The following PPIC variants were observed in gnomAD, a reference collection of about 807,000 sequenced individuals.
PPIC encodes the protein peptidyl-prolyl cis-trans isomerase C.
In PPIC, 19 loss-of-function variants were observed where a neutral mutation model predicts 19.5. The observed-to-expected ratio is 0.98, with a 90% CI of 0.68 to 1.43. The LOEUF (loss-of-function observed/expected upper bound fraction) is 1.43, where lower values mean the gene tolerates loss of function less well. Ranked by LOEUF, PPIC falls within the 40% of genes most tolerant of loss-of-function variation. PPIC has a pLI of 0.00. For synonymous variants in PPIC, 107 were observed against 101.2 expected (o/e 1.06, Z -0.34); for missense variants, 268 against 268.6 (o/e 1.00, Z 0.02).
intron 4 of PPIC, 81 bp from the exon 5 acceptor site, chr5:123,024,084 A>G (rs1319036830): frequency 5.3e-6 from 8 of 1,501,480 alleles, no homozygotes; most frequent in Non-Finnish European, 6.3e-6. Context: ...AGCCAACTCC[A>G]AAAGCCCAAG....
chr5:123,029,525 C>T lies in PPIC; in HGVS notation c.118-107G>A, dbSNP rs1017667564. 9 of 1,430,584 alleles carry T rather than the reference C, an allele frequency of 6.3e-6. No homozygotes were observed. In the African/African-American group the frequency reaches 1.1e-4, roughly 18 times the overall value. The allele number at this position is 1,430,584 out of a possible 1,614,324, so 88.6% of individuals were successfully genotyped here. On this transcript the variant is annotated intron_variant, in intron 1 of 4. Coordinates refer to ENST00000306442, the MANE Select transcript of PPIC (RefSeq NM_000943.5). ...AATTGACCCACATACAAAAGCCCTGCCCATCAGTATTTTGTAAAGGAGCAT... is the reference window on the plus strand; with the variant it reads ...AATTGACCCACATACAAAAGCCCTGTCCATCAGTATTTTGTAAAGGAGCAT...
intron 3 of PPIC, 114 bp from the exon 4 acceptor site, chr5:123,026,082 G>T: frequency 1.1e-6 from 1 of 877,156 alleles, no homozygotes; most frequent in South Asian, 2.0e-5. Context: ...AGGTAGGGAT[G>T]GGGAAGACAT....
Position 123,025,906 on chromosome 5 carries a change from CAATGCCATAGT to C in PPIC, c.377_387del (p.His126ArgfsTer11). 1 of 1,613,814 alleles carries C rather than the reference CAATGCCATAGT, an allele frequency of 6.2e-7. No individual in the cohort carries two copies. The highest frequency in any genetic ancestry group is 8.5e-7 in the Non-Finnish European group (1 of 1,179,952). Reference sequence around the variant, plus strand: ...CCAGCGTTGGCCATGCTGACCCACCCAATGCCATAGTGCTTCAGCTTGAAGTTCTCATCTGG... The same window carrying C: ...CCAGCGTTGGCCATGCTGACCCACCCGCTTCAGCTTGAAGTTCTCATCTGG... On this transcript the variant is annotated frameshift_variant, in exon 4 of 5. Coordinates refer to ENST00000306442, the MANE Select transcript of PPIC (RefSeq NM_000943.5). LOFTEE classifies it high-confidence loss of function.
intron 3 of PPIC, among the ~76,000 whole-genome samples, chr5:123,028,242 C>G (rs141760733): frequency 0.011 from 1,664 of 152,272 alleles, 15 homozygotes; most frequent in Middle Eastern, 0.051. Flanking sequence ...GTGTGAGTCA[C>G]TTTTTTGCAG....
In PPIC at chr5:123,029,443, G is replaced by A. The variant is rs777087932; in HGVS notation, c.118-25C>T. ...CCTGTGTGCAGTTGAAAGGCAAAGT[G>A]GAAGGTTATAAGGTGGAAAAGCACA... is the stretch of plus-strand genomic sequence containing the variant. On this transcript the variant is annotated intron_variant, in intron 1 of 4. Transcript: ENST00000306442. 10 of 1,555,108 alleles carry A rather than the reference G, an allele frequency of 6.4e-6. No individual in the cohort carries two copies. In the Admixed American group the frequency reaches 1.8e-4, roughly 28 times the overall value.
Position 123,023,548 on chromosome 5 carries a change from T to C in PPIC, c.*327A>G, listed in dbSNP as rs45560934. 2,570 of 172,046 alleles carry C rather than the reference T, an allele frequency of 0.015. 59 individuals carry two copies. Among genetic ancestry groups the C allele is most frequent in the African/African-American group, 0.042 (1,750 of 42,076 alleles). 10.7% of individuals were successfully genotyped at this position (172,046 alleles called of 1,614,324 possible). On this transcript the variant is annotated 3_prime_UTR_variant, in exon 5 of 5. Coordinates refer to ENST00000306442, the MANE Select transcript of PPIC (RefSeq NM_000943.5). ...TCTGTTTCAGATAAATGTTCAGCAT[T>C]ACCCAATATGGGGATCATAATGAAT...
chr5:123,028,225 G>A (rs1762889729), intron 3 of PPIC, among the ~76,000 whole-genome samples: 1 of 152,132 alleles, frequency 6.6e-6, no homozygotes, highest in South Asian at 2.1e-4. Flanking sequence ...AAAACACATA[G>A]CCAGGAGTGT....
chr5:123,034,138 A>T (rs1317562885), intron 1 of PPIC, among the ~76,000 whole-genome samples: 1 of 152,254 alleles, frequency 6.6e-6, no homozygotes, highest in African/African-American at 2.4e-5. Context: ...TGGGGAAAAC[A>T]ATACACTAGA....
At chr5:123,034,042 G>A (rs905910944) in intron 1 of PPIC, among the ~76,000 whole-genome samples, 2 of 152,356 alleles carry the variant, frequency 1.3e-5, no homozygotes, top group Non-Finnish European at 2.9e-5. Flanking sequence ...CCACTAATGG[G>A]CCATGTGGGC....
chr5:123,036,548 G>C lies in PPIC; in HGVS notation c.78C>G (p.Ala26=). 1 of 1,604,450 alleles carries C rather than the reference G, an allele frequency of 6.2e-7. No homozygotes were observed. The highest frequency in any genetic ancestry group is 8.5e-7 in the Non-Finnish European group (1 of 1,177,024). Residue 26 remains alanine, a synonymous_variant, in exon 1 of 5, where the codon GCC becomes GCG. Coordinates refer to ENST00000306442, the MANE Select transcript of PPIC (RefSeq NM_000943.5). This position sits in a 1 kb window ranked among gnomAD's most constrained non-coding sequence, Gnocchi z 4.5. The part of the protein sequence containing the change: ...GLGALVFSSG[A]EGFRKRGPSV... ...AGGGGCCTCGCTTGCGGAAGCCCTCGGCCCCCGAAGAAAACACAAGTGCGC... is the reference window on the plus strand; with the variant it reads ...AGGGGCCTCGCTTGCGGAAGCCCTCCGCCCCCGAAGAAAACACAAGTGCGC...
chr5:123,031,459 T>C (rs927395749), intron 1 of PPIC, among the ~76,000 whole-genome samples: 1 of 152,170 alleles, frequency 6.6e-6, no homozygotes, highest in African/African-American at 2.4e-5. Flanking sequence ...GGCAGACTTC[T>C]TTCTGGAACC....
chr5:123,030,579 T>C (rs1425093263), intron 1 of PPIC, among the ~76,000 whole-genome samples: 2 of 152,230 alleles, frequency 1.3e-5, no homozygotes, highest in African/African-American at 4.8e-5. Context: ...GGTGATGTGA[T>C]ATTTAGTGTT....
chr5:123,028,267 G>C (rs1762890343), intron 3 of PPIC, among the ~76,000 whole-genome samples: 1 of 152,166 alleles, frequency 6.6e-6, no homozygotes, highest in African/African-American at 2.4e-5. Context: ...AATCTTAAAA[G>C]TTCTCTTGGA....
chr5:123,036,723 T>C lies in PPIC; in HGVS notation c.-98A>G, dbSNP rs1476129504. On this transcript the variant is annotated 5_prime_UTR_variant, in exon 1 of 5. Coordinates refer to ENST00000306442, the MANE Select transcript of PPIC (RefSeq NM_000943.5). This position sits in a 1 kb window ranked among gnomAD's most constrained non-coding sequence, Gnocchi z 4.5. ...GACGGGACTGCCGGCCGGCTGCGCC[T>C]GCGCGCTCCCGGTTGCGGGGGATGG... 9 of 1,054,022 alleles carry C rather than the reference T, an allele frequency of 8.5e-6. No homozygotes were observed. The East Asian group carries it at 2.2e-4, about 26-fold the overall frequency. 65.3% of individuals were successfully genotyped at this position (1,054,022 alleles called of 1,614,324 possible). A position where few individuals can be genotyped will look rare whatever the true frequency, so the allele number is the denominator to read the frequency against.
In PPIC at chr5:123,036,329, G is replaced by T; in HGVS notation, c.117+180C>A. On this transcript the variant is annotated intron_variant, in intron 1 of 4. Coordinates refer to ENST00000306442, the MANE Select transcript of PPIC (RefSeq NM_000943.5). This position sits in a 1 kb window ranked among gnomAD's most constrained non-coding sequence, Gnocchi z 4.5. The stretch of plus-strand genomic sequence containing the variant: ...CCCAGCTCCCCCAGGGTCTCCCCCG[G>T]AGCGCCGGCCTCCCAGCACGCGAGC... 1 of 609,616 alleles carries T rather than the reference G, an allele frequency of 1.6e-6. No individual in the cohort carries two copies. Among genetic ancestry groups the T allele is most frequent in the Non-Finnish European group, 2.9e-6 (1 of 346,838 alleles). 37.8% of individuals were successfully genotyped at this position (609,616 alleles called of 1,614,324 possible). A position where few individuals can be genotyped will look rare whatever the true frequency, so the allele number is the denominator to read the frequency against.
chr5:123,033,210 C>T (rs1161062806), intron 1 of PPIC, among the ~76,000 whole-genome samples: 1 of 152,192 alleles, frequency 6.6e-6, no homozygotes, highest in Non-Finnish European at 1.5e-5. Context: ...AGAAGATAAA[C>T]ACAAATAACA....
Position 123,036,619 on chromosome 5 carries a change from G to T in PPIC, c.7C>A (p.Pro3Thr), listed in dbSNP as rs1217591972. 1 of 1,585,650 alleles carries T rather than the reference G, an allele frequency of 6.3e-7. No homozygotes were observed. Among genetic ancestry groups the T allele is most frequent in the Non-Finnish European group, 8.6e-7 (1 of 1,167,608 alleles). The change falls in exon 1 of 5, where the codon CCG (proline) becomes ACG (threonine). Residue 3 changes from proline (P) to threonine (T), a missense_variant. Transcript: ENST00000306442. The surrounding 1 kb of genome is among the most constrained non-coding windows in gnomAD (Gnocchi z 4.5). ...AGAGGTAGCAGCAGCCGAGGACCCGGGCCCATGGTGAGCGGTGGCAGCGGC... is the reference window on the plus strand; with the variant it reads ...AGAGGTAGCAGCAGCCGAGGACCCGTGCCCATGGTGAGCGGTGGCAGCGGC... The part of the protein sequence containing the change: MG[P>T]GPRLLLPLVL...
At chr5:123,030,465 A>G (rs369943496) in intron 1 of PPIC, among the ~76,000 whole-genome samples, 28 of 152,370 alleles carry the variant, frequency 1.8e-4, no homozygotes, top group African/African-American at 6.5e-4. Context: ...ACGGTTGTCA[A>G]AGAAAAAAGA....
intron 4 of PPIC, among the ~76,000 whole-genome samples, chr5:123,024,350 T>C (rs1762819105): frequency 2.0e-5 from 3 of 152,330 alleles, no homozygotes; most frequent in African/African-American, 7.2e-5. Flanking sequence ...ATTCACCTGG[T>C]ATAAGCCAGC....
Sources: gnomAD v4.1 joint callset for allele counts (sites outside exome capture counted in the v4.1 genomes callset) on GRCh38, gnomAD v4.1.1 for gene constraint, Gnocchi (gnomAD v3.1) non-coding constraint, MANE v1.5 for transcripts, NCBI Gene and HGNC (gene_info 2026-07-23, HGNC 2026-07-21) for gene names.